Variants in PAPSS2 observed in about 807,000 individuals in gnomAD.
The protein encoded by PAPSS2 is 3'-phosphoadenosine 5'-phosphosulfate synthase 2.
A neutral mutation model predicts 66.5 loss-of-function variants in PAPSS2; 61 were observed. The observed-to-expected ratio is 0.92, with a 90% CI of 0.75 to 1.14. The LOEUF is 1.14. PAPSS2 is among the 50% of genes most tolerant of loss of function. The pLI is 0.00. For missense variants in PAPSS2, 708 were observed against 789.6 expected (o/e 0.90, Z 1.24); for synonymous variants, 289 against 287.5 (o/e 1.01, Z -0.05).
chr10:87,689,079 G>A (rs937491708), intron 1 of PAPSS2, among the ~76,000 whole-genome samples: 1 of 152,036 alleles, frequency 6.6e-6, no homozygotes, highest in Admixed American at 6.6e-5. Context: ...GGTGGCTCAC[G>A]CCTGTAATCC....
intron 1 of PAPSS2, among the ~76,000 whole-genome samples, chr10:87,685,690 A>G (rs1026003845): frequency 6.6e-6 from 1 of 152,108 alleles, no homozygotes; most frequent in African/African-American, 2.4e-5. Flanking sequence ...TCTCAAAAAA[A>G]ATTTTATTTT....
chr10:87,731,042 G>A (rs1853721586), intron 9 of PAPSS2, among the ~76,000 whole-genome samples: 1 of 152,230 alleles, frequency 6.6e-6, no homozygotes, highest in African/African-American at 2.4e-5. Context: ...ATTGGAAGAA[G>A]ATGCCACCTA....
intron 1 of PAPSS2, among the ~76,000 whole-genome samples, chr10:87,672,176 G>A (rs1044369635): frequency 5.3e-5 from 8 of 152,192 alleles, no homozygotes; most frequent in South Asian, 4.1e-4. Flanking sequence ...TAACAGTAGA[G>A]ACCACTTGAG....
chr10:87,692,175 G>A (rs1434552369), intron 1 of PAPSS2, among the ~76,000 whole-genome samples: 2 of 152,182 alleles, frequency 1.3e-5, no homozygotes, highest in African/African-American at 4.8e-5. Context: ...GGGGAGAAGT[G>A]TGGGTCATCG....
chr10:87,686,376 A>G (rs1455024910), intron 1 of PAPSS2, among the ~76,000 whole-genome samples: 1 of 145,702 alleles, frequency 6.9e-6, no homozygotes, highest in Non-Finnish European at 1.5e-5. Context: ...CCTTTTACCC[A>G]TTGGTTAATA....
intron 2 of PAPSS2, among the ~76,000 whole-genome samples, chr10:87,712,280 C>T (rs1853471631): frequency 6.6e-6 from 1 of 152,170 alleles, no homozygotes; most frequent in South Asian, 2.1e-4. Context: ...CCTGCGGGCT[C>T]TGTAAGACGG....
chr10:87,696,282 C>T (rs1853233628), intron 1 of PAPSS2, among the ~76,000 whole-genome samples: 1 of 152,148 alleles, frequency 6.6e-6, no homozygotes, highest in East Asian at 1.9e-4. Context: ...GAGTATTTGC[C>T]CTTCTGTGGA....
At chr10:87,675,918 C>A (rs554757670) in intron 1 of PAPSS2, among the ~76,000 whole-genome samples, 1 of 151,662 alleles carries the variant, frequency 6.6e-6, no homozygotes, top group African/African-American at 2.4e-5. Flanking sequence ...TGAGGGCCAC[C>A]GGCTCAGATG....
chr10:87,672,152 C>T (rs1481109447), intron 1 of PAPSS2, among the ~76,000 whole-genome samples: 1 of 152,160 alleles, frequency 6.6e-6, no homozygotes, highest in African/African-American at 2.4e-5. Flanking sequence ...CTGCAGTCTT[C>T]TTGTGGGGCC....
chr10:87,743,726 C>A, intron 11 of PAPSS2, 85 bp downstream of exon 11: 1 of 1,474,026 alleles, frequency 6.8e-7, no homozygotes. Flanking sequence ...CTCTGGGATC[C>A]TTTCTGTTTC....
intron 1 of PAPSS2, among the ~76,000 whole-genome samples, chr10:87,706,870 A>G (rs1302473445): frequency 1.3e-5 from 2 of 152,196 alleles, no homozygotes; most frequent in South Asian, 2.1e-4. Context: ...GTCCCCATTT[A>G]TGAGCCCTCT....
intron 1 of PAPSS2, among the ~76,000 whole-genome samples, chr10:87,694,291 A>G (rs559290012): frequency 5.9e-5 from 9 of 152,346 alleles, no homozygotes; most frequent in African/African-American, 2.2e-4. Context: ...TGTATAAGCT[A>G]TGGCCCCTTC....
At chr10:87,695,315 C>T (rs994382729) in intron 1 of PAPSS2, among the ~76,000 whole-genome samples, 2 of 152,160 alleles carry the variant, frequency 1.3e-5, no homozygotes, top group East Asian at 1.9e-4. Flanking sequence ...CATCAGGGCT[C>T]CTCCCTCATG....
At chr10:87,666,048 C>T (rs1852812546) in intron 1 of PAPSS2, among the ~76,000 whole-genome samples, 1 of 151,018 alleles carries the variant, frequency 6.6e-6, no homozygotes, top group African/African-American at 2.4e-5. Flanking sequence ...ATTGCAACCT[C>T]CACCTCCCAA....
At chr10:87,714,714 A>T (rs369591068) in intron 4 of PAPSS2, 31 bp from the exon 5 acceptor site, 1 of 1,151,776 alleles carries the variant, frequency 8.7e-7, no homozygotes, top group East Asian at 2.3e-5. Flanking sequence ...GTCAATACAG[A>T]TGCGATGATT....
At chr10:87,721,365 A>G (rs930396311) in intron 7 of PAPSS2, among the ~76,000 whole-genome samples, 1 of 152,292 alleles carries the variant, frequency 6.6e-6, no homozygotes, top group South Asian at 2.1e-4. Context: ...TAGTTTGGAA[A>G]CTATTCTACA....
intron 1 of PAPSS2, among the ~76,000 whole-genome samples, chr10:87,675,980 T>C (rs928458358): frequency 5.3e-5 from 8 of 150,838 alleles, no homozygotes; most frequent in East Asian, 1.9e-4. Context: ...TCTTTTTTTT[T>C]TTTTTTTTTT....
intron 4 of PAPSS2, 122 bp downstream of exon 4, chr10:87,714,304 C>T: frequency 2.0e-6 from 2 of 1,001,652 alleles, no homozygotes; most frequent in Non-Finnish European, 3.1e-6. Flanking sequence ...ATAACATGCA[C>T]AACTTTTTAT....
chr10:87,701,376 CT>C (rs1453585260), intron 1 of PAPSS2, among the ~76,000 whole-genome samples: 1 of 88,550 alleles, frequency 1.1e-5, no homozygotes, highest in Non-Finnish European at 2.1e-5. Context: ...TTCTTTCTTT[CT>C]TTCTTTCTTT....
Sources: allele counts gnomAD v4.1 joint callset (sites outside exome capture counted in the v4.1 genomes callset), GRCh38; gene constraint gnomAD v4.1.1; transcripts MANE v1.5; gene names NCBI Gene and HGNC (gene_info 2026-07-23, HGNC 2026-07-21).